Variants in OSBPL10 observed in about 807,000 individuals in gnomAD.
OSBPL10 encodes oxysterol-binding protein-related protein 10.
OSBPL10 carries 49 observed loss-of-function variants against 81.7 expected under a neutral mutation model. The ratio of observed to expected loss-of-function variants is 0.60; its 90% CI spans 0.48 to 0.76. The LOEUF (loss-of-function observed/expected upper bound fraction) is 0.76. Among genes scored for constraint, OSBPL10 ranks in the 30% least tolerant of loss-of-function variants. The pLI is 0.00. For missense variants in OSBPL10, 923 were observed against 987.8 expected, an observed-to-expected ratio of 0.93 and a Z score of 0.88; for synonymous variants, 419 against 383.6, an observed-to-expected ratio of 1.09 and a Z score of -1.08.
chr3:31,764,863 A>T (rs1698149915), intron 4 of OSBPL10, among the ~76,000 whole-genome samples: 1 of 152,174 alleles, frequency 6.6e-6, no homozygotes, highest in Non-Finnish European at 1.5e-5. Flanking sequence ...CTTCCAGTGA[A>T]GTCCATGACA....
intron 4 of OSBPL10, chr3:31,822,386 T>A: frequency 6.6e-6 from 1 of 152,242 alleles, no homozygotes; most frequent in East Asian, 1.9e-4. Flanking sequence ...TTTTCCCTCA[T>A]CATGCTACGA....
chr3:31,913,711 GT>G (rs941099613), intron 1 of OSBPL10, among the ~76,000 whole-genome samples: 1 of 152,158 alleles, frequency 6.6e-6, no homozygotes, highest in African/African-American at 2.4e-5. Flanking sequence ...CAAAATATAT[GT>G]ATATAAAACT....
At chr3:31,785,073 T>TG in intron 4 of OSBPL10, among the ~76,000 whole-genome samples, 1 of 152,092 alleles carries the variant, frequency 6.6e-6, no homozygotes, top group East Asian at 1.9e-4. Flanking sequence ...TTAGTAGAGA[T>TG]GGGGTTTCCC....
At chr3:32,026,042 A>AGATAGATAGATAGAT (rs1277036768) in intron 2 of OSBPL10, among the ~76,000 whole-genome samples, 1 of 121,866 alleles carries the variant, frequency 8.2e-6, no homozygotes, top group African/African-American at 3.2e-5. Flanking sequence ...ATAGATAGAT[A>AGATAGATAGATAGAT]GATAGATAGA....
At chr3:31,997,156 C>A (rs1022565459) in intron 2 of OSBPL10, among the ~76,000 whole-genome samples, 2 of 152,150 alleles carry the variant, frequency 1.3e-5, no homozygotes, top group East Asian at 3.8e-4. Context: ...TTTTAAAAAG[C>A]ATGCCCGATT....
At chr3:31,962,608 C>A (rs1698200712) in intron 1 of OSBPL10, among the ~76,000 whole-genome samples, 1 of 152,018 alleles carries the variant, frequency 6.6e-6, no homozygotes, top group Admixed American at 6.5e-5. Context: ...CTGCCTGATT[C>A]CAGGGGGCTT....
chr3:32,007,800 G>A (rs895691416), intron 2 of OSBPL10, among the ~76,000 whole-genome samples: 5 of 151,784 alleles, frequency 3.3e-5, no homozygotes, highest in South Asian at 2.1e-4. Context: ...TCCATCTCCC[G>A]AGTTCAAGCG....
chr3:31,973,515 A>G (rs1411359922), intron 1 of OSBPL10, among the ~76,000 whole-genome samples: 1 of 152,206 alleles, frequency 6.6e-6, no homozygotes, highest in East Asian at 1.9e-4. Flanking sequence ...CATTTTACAG[A>G]TGGAGAGACC....
chr3:31,747,588 T>C (rs1697566526), intron 5 of OSBPL10, among the ~76,000 whole-genome samples: 2 of 151,456 alleles, frequency 1.3e-5, no homozygotes, highest in South Asian at 4.2e-4. Flanking sequence ...AGGTGTTCCA[T>C]AGTATTTATG....
chr3:31,727,121 C>T (rs1696833246), intron 6 of OSBPL10, among the ~76,000 whole-genome samples: 1 of 152,102 alleles, frequency 6.6e-6, no homozygotes, highest in Non-Finnish European at 1.5e-5. Flanking sequence ...GTATAAGCCA[C>T]CATACCCAGG....
intron 3 of OSBPL10, among the ~76,000 whole-genome samples, chr3:31,864,874 G>C (rs551240947): frequency 3.5e-4 from 54 of 152,270 alleles, no homozygotes; most frequent in African/African-American, 1.3e-3. Context: ...CCGCGTGTGA[G>C]ATGTCTGCTC....
intron 4 of OSBPL10, among the ~76,000 whole-genome samples, chr3:31,792,876 G>A (rs1422639252): frequency 1.1e-5 from 1 of 91,400 alleles, no homozygotes; most frequent in African/African-American, 3.4e-5. Context: ...GTGTGTGTGT[G>A]TGTGTGTGTG....
intron 4 of OSBPL10, among the ~76,000 whole-genome samples, chr3:31,770,574 C>T (rs1698351325): frequency 6.6e-6 from 1 of 152,062 alleles, no homozygotes; most frequent in Non-Finnish European, 1.5e-5. Context: ...ATCATCTGAG[C>T]TCAGGAGTTC....
chr3:31,733,183 AC>A, intron 6 of OSBPL10, 73 bp downstream of exon 6: 1 of 1,558,756 alleles, frequency 6.4e-7, no homozygotes, highest in African/African-American at 1.4e-5. Flanking sequence ...TGAGCAAGTT[AC>A]AAATATAATT....
Position 31,663,276 on chromosome 3 carries a change from T to C in OSBPL10, c.2250+803A>G, listed in dbSNP as rs1455551156. 5.1e-6 allele frequency: 5 copies of C among 985,118 alleles called. No individual in the cohort carries two copies. In the Admixed American group the frequency reaches 2.5e-4, roughly 48 times the overall value. 61.0% of individuals were successfully genotyped at this position (985,118 alleles called of 1,614,324 possible). A position where few individuals can be genotyped will look rare whatever the true frequency, so the allele number is the denominator to read the frequency against. On this transcript the variant is annotated intron_variant, in intron 11 of 11. Coordinates refer to ENST00000396556, the MANE Select transcript of OSBPL10 (RefSeq NM_017784.5). ...GATTTCTCATAAAAATTTAGATTTC[T>C]GGCTCCTCATGAACAACTAGACAAT...
chr3:31,829,952 C>T (rs1476353239), intron 4 of OSBPL10, 88 bp downstream of exon 4: 16 of 1,313,986 alleles, frequency 1.2e-5, no homozygotes, highest in Middle Eastern at 2.8e-4. Flanking sequence ...TAAATCAAGA[C>T]GGCGCAAAGG....
At position 32,063,374 on chromosome 3, in the gene OSBPL10, G is replaced by T. The variant is rs1017356053; in HGVS notation, n.185+14022C>A. Among the ~76,000 whole-genome samples the T allele has an allele frequency of 8.7e-5, 8 of 92,348 alleles. 2 individuals are homozygous for T. Among genetic ancestry groups the T allele is most frequent in the African/African-American group, 2.2e-4 (8 of 35,796 alleles). The allele number at this position is 92,348 out of a possible 152,430, so 60.6% of individuals were successfully genotyped here. A position where few individuals can be genotyped will look rare whatever the true frequency, so the allele number is the denominator to read the frequency against. On this transcript the variant is annotated intron_variant and non_coding_transcript_variant, in intron 1 of 3. Coordinates refer to the OSBPL10 transcript ENST00000479173. Reference sequence around the variant, plus strand: ...TGAAGACTAGGAAGGCTTCTAGGTAGAAGTTCAGAGTTCAGCTTCTTGGCT... The same window carrying T: ...TGAAGACTAGGAAGGCTTCTAGGTATAAGTTCAGAGTTCAGCTTCTTGGCT...
intron 2 of OSBPL10, among the ~76,000 whole-genome samples, chr3:32,025,924 G>A (rs563767766): frequency 2.6e-5 from 4 of 152,174 alleles, no homozygotes; most frequent in East Asian, 3.9e-4. Flanking sequence ...CCAGGGTTGT[G>A]TGGATGGCTC....
chr3:31,915,548 G>C (rs887423286), intron 1 of OSBPL10, among the ~76,000 whole-genome samples: 2 of 152,130 alleles, frequency 1.3e-5, no homozygotes, highest in Non-Finnish European at 2.9e-5. Flanking sequence ...ATATGTGTAA[G>C]CTAAACATTG....
Sources: allele counts gnomAD v4.1 joint callset (sites outside exome capture counted in the v4.1 genomes callset), GRCh38; gene constraint gnomAD v4.1.1; transcripts MANE v1.5; gene names NCBI Gene and HGNC (gene_info 2026-07-23, HGNC 2026-07-21).